Variants in THEMIS2 observed in about 807,000 individuals in gnomAD.
THEMIS2 encodes thymocyte selection associated family member 2.
In THEMIS2, 29 loss-of-function variants were observed where a neutral mutation model predicts 46.8. The ratio of observed to expected loss-of-function variants is 0.62; its 90% confidence interval spans 0.46 to 0.84. THEMIS2 has a LOEUF of 0.84. Ranked by LOEUF, THEMIS2 falls within the 40% of genes least tolerant of loss-of-function variation. THEMIS2 has a pLI of 0.00. For missense variants in THEMIS2, 698 were observed against 834.7 expected, an observed-to-expected ratio of 0.84 and a Z score of 2.02; for synonymous variants, 335 against 349.1, an observed-to-expected ratio of 0.96 and a Z score of 0.45.
intron 2 of THEMIS2, among the ~76,000 whole-genome samples, chr1:27,877,260 A>G (rs937474414): frequency 3.9e-5 from 6 of 152,216 alleles, no homozygotes; most frequent in East Asian, 1.9e-4. Flanking sequence ...GATCCCAGCC[A>G]CAGGGAGTAG....
chr1:27,882,764 G>A lies in THEMIS2; in HGVS notation c.1440G>A (p.Lys480=). 6.2e-7 allele frequency: 1 copy of A among 1,613,958 alleles called. No individual in the cohort carries two copies. Residue 480 remains lysine, a synonymous_variant, in exon 4 of 6, where the codon AAG becomes AAA. Coordinates refer to ENST00000373921, the MANE Select transcript of THEMIS2 (RefSeq NM_001105556.3). This position sits in a 1 kb window ranked among gnomAD's most constrained non-coding sequence, Gnocchi z 7.6. ...TSFLGLRLEE[K]ITEPFLVVSL... is the part of the protein sequence containing the mutation. ...TCCTGGGCCTGCGGCTGGAGGAGAA[G>A]ATCACAGAGCCATTCTTGGTGGTGA...
rs752865176 is a variant in THEMIS2 at position 27,879,762 on chromosome 1, C to T, written c.354C>T (p.Val118=). The T allele has an allele frequency of 9.3e-6, 15 of 1,614,026 alleles. 1 individual carries two copies. The South Asian group carries it at 1.3e-4, about 14-fold the overall frequency. Residue 118 remains valine (V), a synonymous_variant, in exon 3 of 6, where the codon GTC becomes GTT. Transcript: ENST00000373921. ...PTCFMSTHRI[V]TEGRVVTEDQ... is the part of the protein sequence containing the mutation. ...GCTTCATGTCGACCCACAGGATTGT[C>T]ACAGAGGGCAGGGTGGTGACTGAGG...
At position 27,882,086 on chromosome 1, in the gene THEMIS2, C is replaced by T. The variant is rs2089689752; in HGVS notation, c.762C>T (p.Ala254=). 5.0e-6 allele frequency: 8 copies of T among 1,614,258 alleles called. No individual in the cohort carries two copies. Among genetic ancestry groups the T allele is most frequent in the Non-Finnish European group, 6.8e-6 (8 of 1,180,040 alleles). The change falls in exon 4 of 6, where the codon GCC becomes GCT. Residue 254 remains alanine (A), a synonymous_variant. Coordinates refer to ENST00000373921, the MANE Select transcript of THEMIS2 (RefSeq NM_001105556.3). The surrounding 1 kb of genome is among the most constrained non-coding windows in gnomAD (Gnocchi z 7.6). ...IKPLLLSEVL[A]WEGPFPLSME... ...CGCTGCTGCTGAGCGAGGTCCTGGCCTGGGAAGGCCCTTTCCCCCTGTCCA... is the reference window on the plus strand; with the variant it reads ...CGCTGCTGCTGAGCGAGGTCCTGGCTTGGGAAGGCCCTTTCCCCCTGTCCA...
intron 1 of THEMIS2, among the ~76,000 whole-genome samples, chr1:27,875,775 A>G (rs1490779394): frequency 6.6e-6 from 1 of 151,656 alleles, no homozygotes; most frequent in Non-Finnish European, 1.5e-5. Context: ...ATCTCGGCTC[A>G]CTGCAAGCTC....
At chr1:27,880,957 T>G (rs1341837437) in intron 3 of THEMIS2, among the ~76,000 whole-genome samples, 1 of 151,828 alleles carries the variant, frequency 6.6e-6, no homozygotes, top group Non-Finnish European at 1.5e-5. Context: ...TTTTTGTATA[T>G]TTAGTAGAGA....
At position 27,882,102 on chromosome 1, in the gene THEMIS2, C is replaced by T; in HGVS notation, c.778C>T (p.Pro260Ser). The part of the protein sequence containing the change: ...SEVLAWEGPF[P>S]LSMEILEVPE... ...GGTCCTGGCCTGGGAAGGCCCTTTC[C>T]CCCTGTCCATGGAGATCCTGGAGGT... Residue 260 changes from proline to serine, a missense_variant, in exon 4 of 6, where the codon CCC (proline) becomes TCC (serine). By Grantham distance (74) the Pro-to-Ser change is moderately conservative. Coordinates refer to ENST00000373921, the MANE Select transcript of THEMIS2 (RefSeq NM_001105556.3). This position sits in a 1 kb window ranked among gnomAD's most constrained non-coding sequence, Gnocchi z 7.6. The T allele has an allele frequency of 3.7e-6, 6 of 1,614,230 alleles. No homozygotes were observed. Among genetic ancestry groups the T allele is most frequent in the Non-Finnish European group, 5.1e-6 (6 of 1,180,028 alleles).
At position 27,882,557 on chromosome 1, in the gene THEMIS2, A is replaced by T; in HGVS notation, c.1233A>T (p.Lys411Asn). 6.2e-7 allele frequency: 1 copy of T among 1,614,038 alleles called. No homozygotes were observed. Among genetic ancestry groups the T allele is most frequent in the Non-Finnish European group, 8.5e-7 (1 of 1,179,990 alleles). Reference sequence around the variant, plus strand: ...GGGAGGATGAGGAGGAAGAGTGCAAAGAGGAGGCAGAGAGCCCAGAGCGGG... The same window carrying T: ...GGGAGGATGAGGAGGAAGAGTGCAATGAGGAGGCAGAGAGCCCAGAGCGGG... ...QAGEDEEEEC[K>N]EEAESPERVL... is the part of the protein sequence containing the mutation. Residue 411 changes from lysine (K) to asparagine (N), a missense_variant, in exon 4 of 6, where the codon AAA becomes AAT. By Grantham distance (94) the Lys-to-Asn change is moderately conservative (BLOSUM62 0). Transcript: ENST00000373921. This position sits in a 1 kb window ranked among gnomAD's most constrained non-coding sequence, Gnocchi z 7.6.
intron 2 of THEMIS2, among the ~76,000 whole-genome samples, chr1:27,877,707 C>T (rs1477104204): frequency 1.3e-5 from 2 of 152,170 alleles, no homozygotes; most frequent in Non-Finnish European, 2.9e-5. Flanking sequence ...AATTGAATCC[C>T]AGTGGCCTTG....
chr1:27,875,762 G>A (rs921445068), intron 1 of THEMIS2, among the ~76,000 whole-genome samples: 9 of 151,792 alleles, frequency 5.9e-5, no homozygotes, highest in South Asian at 2.1e-4. Flanking sequence ...GTGAAGTGGC[G>A]TGATCTCGGC....
rs145503231 is a variant in THEMIS2 at position 27,879,697 on chromosome 1, G to A, written c.289G>A (p.Val97Ile). ...GAGCTATGAAACCCTGGAGGAGCTGGTCTCTGCCACAACTCAGAGCTCCAA... is the reference window on the plus strand; with the variant it reads ...GAGCTATGAAACCCTGGAGGAGCTGATCTCTGCCACAACTCAGAGCTCCAA... ...PQSYETLEEL[V>I]SATTQSSKQL... Residue 97 changes from valine to isoleucine, a missense_variant, in exon 3 of 6, where the codon GTC becomes ATC. Transcript: ENST00000373921. 15 of 1,613,596 alleles carry A rather than the reference G, an allele frequency of 9.3e-6. No individual in the cohort carries two copies. The highest frequency in any genetic ancestry group is 1.3e-5 in the Non-Finnish European group (15 of 1,179,846).
chr1:27,885,841 C>G (rs1358822665), intron 5 of THEMIS2, 26 bp from the exon 6 acceptor site: 2 of 1,612,306 alleles, frequency 1.2e-6, no homozygotes, highest in Non-Finnish European at 1.7e-6. Flanking sequence ...CGCTAAAGAT[C>G]CTCATTGACT....
intron 1 of THEMIS2, among the ~76,000 whole-genome samples, chr1:27,874,094 A>G (rs546724441): frequency 1.3e-3 from 173 of 136,218 alleles, no homozygotes; most frequent in Admixed American, 5.3e-3. Context: ...GTGCAGTGGC[A>G]CGATACAGCT....
Position 27,879,966 on chromosome 1 carries a change from C to T in THEMIS2, c.558C>T (p.Ala186=), listed in dbSNP as rs2089651333. The T allele has an allele frequency of 6.2e-7, 1 of 1,612,690 alleles. No homozygotes were observed. Among genetic ancestry groups the T allele is most frequent in the Non-Finnish European group, 8.5e-7 (1 of 1,179,436 alleles). The change falls in exon 3 of 6, where the codon GCC becomes GCT. Residue 186 remains alanine, a synonymous_variant. Transcript: ENST00000373921. ...TGCTCCAGGTCCTACAGGATCCAGC[C>T]CTGAAAGACCTCGTCCTCACCTGCC... The part of the protein sequence containing the change: ...RTLLQVLQDP[A]LKDLVLTCPT...
In THEMIS2 at chr1:27,879,993, C is replaced by A; in HGVS notation, c.585C>A (p.Pro195=). ...PALKDLVLTC[P]TLPWHSLILR... Reference sequence around the variant, plus strand: ...TGAAAGACCTCGTCCTCACCTGCCCCACCCTGCCCTGGCATTCCCTGATCC... The same window carrying A: ...TGAAAGACCTCGTCCTCACCTGCCCAACCCTGCCCTGGCATTCCCTGATCC... Residue 195 remains proline, a synonymous_variant, in exon 3 of 6, where the codon CCC becomes CCA. Coordinates refer to ENST00000373921, the MANE Select transcript of THEMIS2 (RefSeq NM_001105556.3). 1 of 1,612,810 alleles carries A rather than the reference C, an allele frequency of 6.2e-7. No individual in the cohort carries two copies. Among genetic ancestry groups the A allele is most frequent in the Non-Finnish European group, 8.5e-7 (1 of 1,179,076 alleles).
intron 2 of THEMIS2, among the ~76,000 whole-genome samples, chr1:27,877,476 CCA>C (rs2089601822): frequency 6.6e-6 from 1 of 152,060 alleles, no homozygotes; most frequent in Non-Finnish European, 1.5e-5. Context: ...CAGGCGCCCG[CCA>C]CCACACCCAG....
intron 1 of THEMIS2, among the ~76,000 whole-genome samples, chr1:27,874,032 G>GATTTTTTTTTT (rs2089534062): frequency 1.8e-5 from 1 of 56,726 alleles, no homozygotes; most frequent in Admixed American, 1.6e-4. Context: ...GTTCAACCTA[G>GATTTTTTTTTT]GTTTTTTTTT....
intron 5 of THEMIS2, among the ~76,000 whole-genome samples, 174 bp from the exon 6 acceptor site, chr1:27,885,693 G>A (rs920293220): frequency 6.6e-5 from 10 of 152,138 alleles, no homozygotes; most frequent in Non-Finnish European, 1.5e-4. Flanking sequence ...CAGCATACAG[G>A]AAAATGAAAG....
rs2089512961 is a variant in THEMIS2, at chr1:27,872,905, C to G, written c.94+240C>G. ...GTGATGAAAAGTCAGTGGGTTGAGG[C>G]GCGGGAGGTGGATGCAGCCGGGCCA... On this transcript the variant is annotated intron_variant, in intron 1 of 5. Transcript: ENST00000373921. This position sits in a 1 kb window ranked among gnomAD's most constrained non-coding sequence, Gnocchi z 4.9. Among the ~76,000 whole-genome samples the G allele has an allele frequency of 6.6e-6, 1 of 152,134 alleles. No homozygotes were observed. Among genetic ancestry groups the G allele is most frequent in the Non-Finnish European group, 1.5e-5 (1 of 68,014 alleles).
chr1:27,881,890 G>A (rs2089684707), intron 3 of THEMIS2, 81 bp from the exon 4 acceptor site: 4 of 1,163,100 alleles, frequency 3.4e-6, no homozygotes, highest in South Asian at 1.6e-5. Context: ...GAGGCCAGCC[G>A]GCCCAGCCAA....
Sources: allele counts gnomAD v4.1 joint callset (sites outside exome capture counted in the v4.1 genomes callset), GRCh38; gene constraint gnomAD v4.1.1; non-coding constraint Gnocchi (gnomAD v3.1); transcripts MANE v1.5; gene names NCBI Gene and HGNC (gene_info 2026-07-23, HGNC 2026-07-21).